Variants in GRIA4 observed in about 807,000 individuals in gnomAD.
The protein encoded by GRIA4 is glutamate receptor 4.
Under a neutral mutation model 104.0 loss-of-function variants are expected in GRIA4, and 34 were observed. The observed-to-expected ratio is 0.33, with a 90% CI of 0.25 to 0.44. GRIA4 has a LOEUF of 0.44. GRIA4 is among the 20% of genes least tolerant of loss of function. The probability of loss-of-function intolerance (pLI) is 1.00; values close to 1 mark genes in which losing one functional copy is unlikely to be tolerated. For missense variants in GRIA4, 750 were observed against 1,096.5 expected, an observed-to-expected ratio of 0.68 and a Z score of 4.46; for synonymous variants, 386 against 381.9, an observed-to-expected ratio of 1.01 and a Z score of -0.13.
chr11:105,859,695 G>T (rs1945148636), intron 4 of GRIA4, among the ~76,000 whole-genome samples: 1 of 151,984 alleles, frequency 6.6e-6, no homozygotes, highest in Admixed American at 6.6e-5. Context: ...TCTATGTGTG[G>T]GGGCCGTTTT....
At chr11:105,863,892 G>T (rs1945315488) in intron 5 of GRIA4, among the ~76,000 whole-genome samples, 1 of 152,238 alleles carries the variant, frequency 6.6e-6, no homozygotes, top group South Asian at 2.1e-4. Context: ...GGCACACCTG[G>T]GTGCTTTGGA....
At chr11:105,678,532 T>C (rs1388077005) in intron 3 of GRIA4, among the ~76,000 whole-genome samples, 3 of 152,120 alleles carry the variant, frequency 2.0e-5, no homozygotes, top group Admixed American at 6.6e-5. Context: ...ACACTTCATG[T>C]AGGCAGCACT....
In GRIA4 at chr11:105,974,787, A is replaced by G. The variant is rs989030218; in HGVS notation, c.2544+343A>G. The G allele has an allele frequency of 5.9e-5, 25 of 422,112 alleles. No homozygotes were observed. In the East Asian group the frequency reaches 9.9e-4, roughly 17 times the overall value. The allele number at this position is 422,112 out of a possible 1,614,324, so 26.1% of individuals were successfully genotyped here. A position where few individuals can be genotyped will look rare whatever the true frequency, so the allele number is the denominator to read the frequency against. The stretch of plus-strand genomic sequence containing the variant: ...GTCAGAAAGATAAAAACAAACCAGA[A>G]TTGCTCTGTGAAATGATTTAAACAG... On this transcript the variant is annotated intron_variant, in intron 16 of 16. Coordinates refer to ENST00000282499, the MANE Select transcript of GRIA4 (RefSeq NM_000829.4).
chr11:105,704,658 C>G (rs896512916), intron 3 of GRIA4, among the ~76,000 whole-genome samples: 1 of 151,858 alleles, frequency 6.6e-6, no homozygotes, highest in Non-Finnish European at 1.5e-5. Flanking sequence ...TGTGAAAATA[C>G]CTTTTACAAT....
intron 4 of GRIA4, among the ~76,000 whole-genome samples, chr11:105,805,744 T>C (rs75655362): frequency 0.03 from 4,579 of 151,960 alleles, 137 homozygotes; most frequent in African/African-American, 0.077. Context: ...GACATTTCCA[T>C]TTTAGTAAGG....
intron 14 of GRIA4, among the ~76,000 whole-genome samples, chr11:105,947,685 T>G (rs1322099192): frequency 6.6e-6 from 1 of 152,194 alleles, no homozygotes; most frequent in Non-Finnish European, 1.5e-5. Context: ...ACTAATAGCT[T>G]AAGATACCCA....
chr11:105,711,230 T>C (rs1385412803), intron 3 of GRIA4, among the ~76,000 whole-genome samples: 2 of 152,034 alleles, frequency 1.3e-5, no homozygotes, highest in African/African-American at 4.8e-5. Flanking sequence ...GTGTATGATG[T>C]TCCCCTTCCT....
At chr11:105,834,424 T>C (rs1253549362) in intron 4 of GRIA4, among the ~76,000 whole-genome samples, 1 of 152,060 alleles carries the variant, frequency 6.6e-6, no homozygotes, top group Non-Finnish European at 1.5e-5. Flanking sequence ...CTAAATTCCA[T>C]GCTAAAATCA....
chr11:105,663,278 C>T (rs1466092404), intron 3 of GRIA4, among the ~76,000 whole-genome samples: 1 of 151,812 alleles, frequency 6.6e-6, no homozygotes, highest in African/African-American at 2.4e-5. Flanking sequence ...AATTATAAAG[C>T]TCACAATAGT....
intron 9 of GRIA4, among the ~76,000 whole-genome samples, chr11:105,906,530 T>C (rs544492772): frequency 6.6e-6 from 1 of 152,284 alleles, no homozygotes; most frequent in East Asian, 1.9e-4. Flanking sequence ...GCTTTCCCAG[T>C]TGCGTTTTGC....
At position 105,796,117 on chromosome 11, in the gene GRIA4, A is replaced by G. The variant is rs1591271241; in HGVS notation, c.487+42897A>G. ...TATCAGGTGCTTCCATTTCAATTTT[A>G]TCTTCAGCCAAACCCTCTCTTTTCT... On this transcript the variant is annotated intron_variant, in intron 4 of 16. Transcript: ENST00000282499. Among the ~76,000 whole-genome samples the G allele has an allele frequency of 2.0e-5, 3 of 152,246 alleles. No individual in the cohort carries two copies. In the East Asian group the frequency reaches 5.8e-4, roughly 29 times the overall value.
At chr11:105,864,147 T>C (rs1945325492) in intron 5 of GRIA4, among the ~76,000 whole-genome samples, 1 of 152,208 alleles carries the variant, frequency 6.6e-6, no homozygotes, top group Non-Finnish European at 1.5e-5. Flanking sequence ...GTCTACTGCA[T>C]TGTGAGAAAA....
chr11:105,696,762 T>C (rs1953292079), intron 3 of GRIA4, among the ~76,000 whole-genome samples: 1 of 124,746 alleles, frequency 8.0e-6, no homozygotes, highest in South Asian at 2.8e-4. Flanking sequence ...CATATTTCTT[T>C]CTGATTTTTT....
chr11:105,934,329 T>A (rs1338431549), intron 14 of GRIA4, among the ~76,000 whole-genome samples: 1 of 152,184 alleles, frequency 6.6e-6, no homozygotes, highest in Non-Finnish European at 1.5e-5. Context: ...TTTTATCATT[T>A]TTTTTTAATT....
intron 3 of GRIA4, among the ~76,000 whole-genome samples, chr11:105,737,973 A>G (rs1038888563): frequency 3.3e-5 from 5 of 152,154 alleles, no homozygotes; most frequent in Non-Finnish European, 5.9e-5. Context: ...TGACTACTAC[A>G]GAGTCTCACA....
intron 14 of GRIA4, among the ~76,000 whole-genome samples, chr11:105,960,678 G>T (rs1330482923): frequency 3.3e-5 from 5 of 152,352 alleles, no homozygotes; most frequent in African/African-American, 1.2e-4. Flanking sequence ...CGGGAGTTCC[G>T]TAGGTTCAAG....
chr11:105,648,087 A>G (rs994105859), intron 3 of GRIA4, among the ~76,000 whole-genome samples: 4 of 152,078 alleles, frequency 2.6e-5, no homozygotes, highest in East Asian at 1.9e-4. Context: ...CAAATTATAT[A>G]TAACTCACTG....
intron 4 of GRIA4, among the ~76,000 whole-genome samples, chr11:105,842,497 A>G (rs889404500): frequency 6.6e-6 from 1 of 152,280 alleles, no homozygotes; most frequent in East Asian, 1.9e-4. Context: ...GCTATTGAGA[A>G]GTTTCCATGT....
intron 3 of GRIA4, among the ~76,000 whole-genome samples, chr11:105,665,863 C>G (rs912337640): frequency 6.6e-6 from 1 of 151,832 alleles, no homozygotes; most frequent in East Asian, 1.9e-4. Flanking sequence ...AAAGAAATAC[C>G]AAGCTTGGTC....
Sources: gnomAD v4.1 joint callset for allele counts (sites outside exome capture counted in the v4.1 genomes callset) on GRCh38, gnomAD v4.1.1 for gene constraint, MANE v1.5 for transcripts, NCBI Gene and HGNC (gene_info 2026-07-23, HGNC 2026-07-21) for gene names.